Variants in SGCZ observed in about 807,000 individuals in gnomAD.
SGCZ encodes zeta-sarcoglycan.
In SGCZ, 40 loss-of-function variants were observed where a neutral mutation model predicts 41.3. The ratio of observed to expected loss-of-function variants is 0.97; its 90% CI spans 0.75 to 1.26. The LOEUF (loss-of-function observed/expected upper bound fraction) is 1.26, where lower values mean the gene tolerates loss of function less well. SGCZ is among the 50% of genes most tolerant of loss of function. The pLI is 0.00. For missense variants in SGCZ, 552 were observed against 369.8 expected (o/e 1.49, Z -4.04); for synonymous variants, 206 against 137.5 (o/e 1.50, Z -3.49).
intron 1 of SGCZ, among the ~76,000 whole-genome samples, chr8:14,939,457 C>T (rs1800193827): frequency 1.3e-5 from 2 of 152,016 alleles, no homozygotes; most frequent in South Asian, 2.1e-4. Flanking sequence ...AAACACACTC[C>T]CCAAAACAAA....
At chr8:15,087,336 T>C (rs1458103500) in intron 1 of SGCZ, among the ~76,000 whole-genome samples, 1 of 152,134 alleles carries the variant, frequency 6.6e-6, no homozygotes, top group African/African-American at 2.4e-5. Context: ...GTATTTCCTG[T>C]GTACATCTCA....
intron 5 of SGCZ, among the ~76,000 whole-genome samples, chr8:14,146,945 G>A (rs1436041756): frequency 7.4e-6 from 1 of 134,708 alleles, no homozygotes; most frequent in African/African-American, 2.5e-5. Flanking sequence ...AGTACACTAA[G>A]GAATAAACAG....
chr8:15,185,693 C>T (rs1800311682), intron 1 of SGCZ, among the ~76,000 whole-genome samples: 1 of 152,134 alleles, frequency 6.6e-6, no homozygotes, highest in Non-Finnish European at 1.5e-5. Context: ...CTGCTTGAGA[C>T]ATCCTGAAGA....
chr8:15,118,007 T>A (rs1807335054), intron 1 of SGCZ, among the ~76,000 whole-genome samples: 1 of 152,226 alleles, frequency 6.6e-6, no homozygotes, highest in East Asian at 1.9e-4. Context: ...AAATCTCTGC[T>A]GAATTATCAT....
chr8:14,400,141 T>C (rs7813984), intron 2 of SGCZ, among the ~76,000 whole-genome samples: 12,637 of 152,142 alleles, frequency 0.083, 661 homozygotes, highest in Admixed American at 0.13. Flanking sequence ...GAGTAGCTTC[T>C]TTCACTTGGC....
intron 4 of SGCZ, among the ~76,000 whole-genome samples, chr8:14,234,061 G>A (rs1483100371): frequency 6.6e-6 from 1 of 151,924 alleles, no homozygotes. Flanking sequence ...GACTTAGTGG[G>A]GGAAATTGGA....
In SGCZ at chr8:15,237,661, G is replaced by A. The variant is rs377635810; in HGVS notation, c.-38C>T. On this transcript the variant is annotated 5_prime_UTR_variant, in exon 1 of 8. Coordinates refer to ENST00000382080, the MANE Select transcript of SGCZ (RefSeq NM_139167.4). ...AACGAAGTGGAGAGGAACCGGGCGA[G>A]TGGCACCCAAAAACAATCTAGTCTT... The A allele has an allele frequency of 1.9e-5, 29 of 1,566,048 alleles. No homozygotes were observed. In the African/African-American group the frequency reaches 3.7e-4, roughly 20 times the overall value.
chr8:14,093,106 T>G (rs17118622), intron 7 of SGCZ, among the ~76,000 whole-genome samples: 11 of 151,874 alleles, frequency 7.2e-5, no homozygotes, highest in African/African-American at 1.9e-4. Flanking sequence ...AGCTGTTTCT[T>G]GTTTCCACTG....
chr8:14,478,443 A>T (rs1304170161), intron 2 of SGCZ, among the ~76,000 whole-genome samples: 1 of 152,204 alleles, frequency 6.6e-6, no homozygotes, highest in Non-Finnish European at 1.5e-5. Context: ...AATGCTACAT[A>T]CTGTATGATT....
At chr8:14,990,379 G>A (rs1262611265) in intron 1 of SGCZ, among the ~76,000 whole-genome samples, 10 of 131,436 alleles carry the variant, frequency 7.6e-5, no homozygotes, top group African/African-American at 2.6e-4. Flanking sequence ...CATAGGAGCT[G>A]AGTGGCAAGC....
chr8:14,092,121 T>C (rs1801705688), intron 7 of SGCZ, among the ~76,000 whole-genome samples: 1 of 152,082 alleles, frequency 6.6e-6, no homozygotes, highest in Admixed American at 6.6e-5. Context: ...AAAGTTCAGA[T>C]GGTTGTAGAT....
intron 1 of SGCZ, among the ~76,000 whole-genome samples, chr8:14,575,838 G>A (rs1415064134): frequency 6.7e-6 from 1 of 150,074 alleles, no homozygotes; most frequent in African/African-American, 2.5e-5. Context: ...CCCAGGAGGC[G>A]GAGGTTGTAG....
intron 1 of SGCZ, among the ~76,000 whole-genome samples, chr8:14,583,064 G>C (rs1037213145): frequency 8.7e-4 from 130 of 150,110 alleles, no homozygotes; most frequent in African/African-American, 2.9e-3. Flanking sequence ...TCTAGTTCTA[G>C]ATCCCTGAGG....
chr8:14,952,315 T>A (rs1246220344), intron 1 of SGCZ, among the ~76,000 whole-genome samples: 1 of 152,152 alleles, frequency 6.6e-6, no homozygotes, highest in East Asian at 1.9e-4. Flanking sequence ...TGAAGTTATA[T>A]CTATATATGT....
intron 1 of SGCZ, among the ~76,000 whole-genome samples, chr8:14,833,103 T>C (rs1342017124): frequency 6.6e-6 from 1 of 152,130 alleles, no homozygotes; most frequent in East Asian, 1.9e-4. Context: ...GGTAAGTAAA[T>C]GTAGCCTATT....
At chr8:14,388,676 G>C (rs1804658134) in intron 2 of SGCZ, among the ~76,000 whole-genome samples, 1 of 151,906 alleles carries the variant, frequency 6.6e-6, no homozygotes, top group Admixed American at 6.6e-5. Flanking sequence ...GCTTTCCAAA[G>C]TCAAAGAATG....
chr8:15,169,772 C>T (rs769468037), intron 1 of SGCZ, among the ~76,000 whole-genome samples: 18 of 152,144 alleles, frequency 1.2e-4, no homozygotes, highest in Non-Finnish European at 2.4e-4. Context: ...TAGAAAGGTA[C>T]AAATCCCATC....
At chr8:15,014,618 A>C (rs1326708721) in intron 1 of SGCZ, among the ~76,000 whole-genome samples, 1 of 152,172 alleles carries the variant, frequency 6.6e-6, no homozygotes, top group African/African-American at 2.4e-5. Flanking sequence ...TATCCATAGC[A>C]TTTGGCTACT....
At chr8:14,457,194 T>A (rs1390570175) in intron 2 of SGCZ, among the ~76,000 whole-genome samples, 2 of 152,226 alleles carry the variant, frequency 1.3e-5, no homozygotes, top group Non-Finnish European at 2.9e-5. Context: ...ATCCTCGCTC[T>A]ATAATCATAG....
Sources: allele counts gnomAD v4.1 joint callset (sites outside exome capture counted in the v4.1 genomes callset), GRCh38; gene constraint gnomAD v4.1.1; transcripts MANE v1.5; gene names NCBI Gene and HGNC (gene_info 2026-07-23, HGNC 2026-07-21).